Variants in OTUD7A observed in about 807,000 individuals in gnomAD.
The protein encoded by OTUD7A is OTU domain-containing protein 7A.
In OTUD7A, 12 loss-of-function variants were observed where a neutral mutation model predicts 65.7. The ratio of observed to expected loss-of-function variants is 0.18; its 90% CI spans 0.12 to 0.30. OTUD7A has a LOEUF of 0.30. Ranked by LOEUF, OTUD7A falls within the 10% of genes least tolerant of loss-of-function variation. The pLI, the probability that OTUD7A is intolerant of heterozygous loss-of-function variation, is 1.00. For synonymous variants in OTUD7A, 641 were observed against 586.3 expected, an observed-to-expected ratio of 1.09 and a Z score of -1.35; for missense variants, 1,148 against 1,304.8, an observed-to-expected ratio of 0.88 and a Z score of 1.85.
At chr15:31,558,771 G>A (rs1888582692) in intron 5 of OTUD7A, 198 bp downstream of exon 5, 3 of 620,220 alleles carry the variant, frequency 4.8e-6, no homozygotes, top group South Asian at 2.1e-5. Context: ...CCTAGTTATC[G>A]GCCCCTCCAT....
chr15:31,865,038 G>A (rs963977616), intron 1 of OTUD7A, among the ~76,000 whole-genome samples: 1 of 152,090 alleles, frequency 6.6e-6, no homozygotes, highest in Non-Finnish European at 1.5e-5. Flanking sequence ...CCCCCCTGGG[G>A]TTGTGCCCAA....
intron 1 of OTUD7A, among the ~76,000 whole-genome samples, chr15:31,804,206 T>C (rs552473986): frequency 2.8e-4 from 43 of 152,154 alleles, no homozygotes; most frequent in Non-Finnish European, 5.7e-4. Flanking sequence ...AATTTCAAGA[T>C]ATAAAATACC....
intron 10 of OTUD7A, among the ~76,000 whole-genome samples, chr15:31,496,730 G>A (rs921338185): frequency 6.6e-6 from 1 of 152,158 alleles, no homozygotes; most frequent in Non-Finnish European, 1.5e-5. Flanking sequence ...TAGAGCATAG[G>A]TGAGCATTTG....
intron 8 of OTUD7A, among the ~76,000 whole-genome samples, chr15:31,525,530 C>T (rs553620889): frequency 6.6e-6 from 1 of 152,344 alleles, no homozygotes; most frequent in African/African-American, 2.4e-5. Context: ...GGTGAGGACC[C>T]AGTTGCCCGC....
At chr15:31,675,577 G>T (rs1272805540) in intron 1 of OTUD7A, among the ~76,000 whole-genome samples, 1 of 151,888 alleles carries the variant, frequency 6.6e-6, no homozygotes, top group African/African-American at 2.4e-5. Context: ...AATTTTTTAG[G>T]ACTTATCAGA....
At chr15:31,519,118 CTGTGTGTG>C (rs56265620) in intron 8 of OTUD7A, among the ~76,000 whole-genome samples, 25 of 151,038 alleles carry the variant, frequency 1.7e-4, no homozygotes, top group Non-Finnish European at 3.3e-4. Flanking sequence ...TAGCACTGTG[CTGTGTGTG>C]TGTGTGTGTG....
At chr15:31,552,783 G>A (rs1394183637) in intron 5 of OTUD7A, among the ~76,000 whole-genome samples, 1 of 152,216 alleles carries the variant, frequency 6.6e-6, no homozygotes, top group Non-Finnish European at 1.5e-5. Flanking sequence ...GCCCAGAGTC[G>A]CAGCCGCGAC....
intron 5 of OTUD7A, 91 bp downstream of exon 5, chr15:31,558,878 A>C (rs1227025776): frequency 1.5e-6 from 2 of 1,374,204 alleles, no homozygotes; most frequent in Non-Finnish European, 2.0e-6. Context: ...GTCTGAGAAC[A>C]TGTGCCCTTC....
intron 4 of OTUD7A, among the ~76,000 whole-genome samples, chr15:31,569,512 T>C (rs1393936976): frequency 1.3e-5 from 2 of 152,260 alleles, no homozygotes; most frequent in African/African-American, 4.8e-5. Context: ...CAGCCGTCAT[T>C]ACACTGGTGA....
At chr15:31,858,037 AC>A (rs1226291535) in intron 1 of OTUD7A, among the ~76,000 whole-genome samples, 5 of 152,212 alleles carry the variant, frequency 3.3e-5, no homozygotes, top group Non-Finnish European at 4.4e-5. Flanking sequence ...TATGTATATC[AC>A]TGTGTCGTGG....
intron 1 of OTUD7A, among the ~76,000 whole-genome samples, chr15:31,772,857 T>C (rs1383001847): frequency 6.6e-6 from 1 of 152,216 alleles, no homozygotes; most frequent in Non-Finnish European, 1.5e-5. Context: ...TGCACAACCA[T>C]TTTTACCTGT....
intron 1 of OTUD7A, among the ~76,000 whole-genome samples, chr15:31,748,600 T>A (rs7174295): frequency 1.3e-5 from 2 of 152,022 alleles, no homozygotes; most frequent in African/African-American, 4.8e-5. Flanking sequence ...ATAAAATACA[T>A]GAGAAGGTTT....
intron 1 of OTUD7A, among the ~76,000 whole-genome samples, chr15:31,831,434 CT>C (rs33999233): frequency 0.58 from 87,995 of 151,896 alleles, 25,953 homozygotes; most frequent in East Asian, 0.69. Context: ...CAATCAATGT[CT>C]TCAGCATCGT....
intron 1 of OTUD7A, among the ~76,000 whole-genome samples, chr15:31,757,195 A>T (rs778533194): frequency 3.3e-5 from 5 of 152,062 alleles, no homozygotes; most frequent in Non-Finnish European, 5.9e-5. Context: ...CTGGTGCTGA[A>T]TCTCCAGGGA....
At chr15:31,818,570 T>C (rs555830610) in intron 1 of OTUD7A, among the ~76,000 whole-genome samples, 3 of 152,298 alleles carry the variant, frequency 2.0e-5, no homozygotes, top group South Asian at 2.1e-4. Context: ...AGAGAGGTGA[T>C]GTGCCTCTTC....
At position 31,483,561 on chromosome 15, in the gene OTUD7A, CG is replaced by C; in HGVS notation, c.2534del (p.Ala845GlyfsTer142). 7.7e-7 allele frequency: 1 copy of C among 1,305,526 alleles called. No individual in the cohort carries two copies. 80.9% of individuals were successfully genotyped at this position (1,305,526 alleles called of 1,614,324 possible). A position where few individuals can be genotyped will look rare whatever the true frequency, so the allele number is the denominator to read the frequency against. ...TGTGCTCGGCCGCCCCCGCCGTCCCCGCCGCGCCCGGTAGGGCCCCGGGCAC... is the reference window on the plus strand; with the variant it reads ...TGTGCTCGGCCGCCCCCGCCGTCCCCCCGCGCCCGGTAGGGCCCCGGGCAC... The part of the protein sequence containing the change: ...RAVPGALPGA[A>X]GTAGAAEHKS... On this transcript the variant is annotated frameshift_variant, in exon 13 of 13. Coordinates refer to ENST00000307050, the MANE Select transcript of OTUD7A (RefSeq NM_001382637.1). LOFTEE classifies it high-confidence loss of function.
At chr15:31,649,091 T>C (rs2141271268) in intron 3 of OTUD7A, among the ~76,000 whole-genome samples, 1 of 152,318 alleles carries the variant, frequency 6.6e-6, no homozygotes, top group Admixed American at 6.5e-5. Context: ...CTTACCTATA[T>C]GGCACTGGGG....
chr15:31,808,700 C>G (rs1896344364), intron 1 of OTUD7A, among the ~76,000 whole-genome samples: 1 of 152,210 alleles, frequency 6.6e-6, no homozygotes, highest in African/African-American at 2.4e-5. Flanking sequence ...CACCAGGCTC[C>G]ATCCACAGCA....
chr15:31,546,515 C>T (rs1888136273), intron 5 of OTUD7A, among the ~76,000 whole-genome samples: 2 of 152,184 alleles, frequency 1.3e-5, no homozygotes, highest in African/African-American at 4.8e-5. Context: ...CCAAGGCATG[C>T]ACTGAAGAAA....
Sources: allele counts gnomAD v4.1 joint callset (sites outside exome capture counted in the v4.1 genomes callset), GRCh38; gene constraint gnomAD v4.1.1; transcripts MANE v1.5; gene names NCBI Gene and HGNC (gene_info 2026-07-23, HGNC 2026-07-21).